The following HMGCLL1 variants were observed in gnomAD, a reference collection of about 807,000 sequenced individuals.
HMGCLL1 encodes the protein 3-hydroxymethyl-3-methylglutaryl-CoA lyase, cytoplasmic.
HMGCLL1 carries 36 observed loss-of-function variants against 39.1 expected under a neutral mutation model. The observed-to-expected ratio is 0.92, with a 90% CI of 0.71 to 1.22. The LOEUF (loss-of-function observed/expected upper bound fraction) is 1.22, where lower values mean the gene tolerates loss of function less well. Among genes scored for constraint, HMGCLL1 ranks in the 50% most tolerant of loss-of-function variants. The pLI is 0.00. For missense variants in HMGCLL1, 451 were observed against 416.5 expected (o/e 1.08, Z -0.72); for synonymous variants, 149 against 144.0 (o/e 1.03, Z -0.25).
At chr6:55,458,312 G>T (rs1019495474) in intron 7 of HMGCLL1, among the ~76,000 whole-genome samples, 1 of 152,092 alleles carries the variant, frequency 6.6e-6, no homozygotes, top group African/African-American at 2.4e-5. Context: ...CTTTCAAGGA[G>T]CCAGTTTTTA....
chr6:55,548,814 TAA>T (rs1353203699), intron 1 of HMGCLL1, among the ~76,000 whole-genome samples: 1 of 149,916 alleles, frequency 6.7e-6, no homozygotes, highest in Non-Finnish European at 1.5e-5. Context: ...TGAAGAATAT[TAA>T]GTTTATAAAA....
chr6:55,672,001 G>C, the HMGCLL1 span, among the ~76,000 whole-genome samples: 1 of 151,712 alleles, frequency 6.6e-6, no homozygotes, highest in Non-Finnish European at 1.5e-5. Flanking sequence ...CTCCTGATTA[G>C]CCCAGAAGGG....
chr6:55,607,471 A>T, the HMGCLL1 span, among the ~76,000 whole-genome samples: 10 of 152,168 alleles, frequency 6.6e-5, no homozygotes, highest in Non-Finnish European at 1.2e-4. Flanking sequence ...GGATGCTGAC[A>T]ACAGAAAGTC....
chr6:55,677,860 T>C, the HMGCLL1 span, among the ~76,000 whole-genome samples: 3 of 152,342 alleles, frequency 2.0e-5, no homozygotes, highest in African/African-American at 7.2e-5. Context: ...ATAAAGTAAC[T>C]ATGGAAGACA....
the HMGCLL1 span, among the ~76,000 whole-genome samples, chr6:55,626,849 T>G: frequency 2.0e-5 from 3 of 151,952 alleles, no homozygotes; most frequent in African/African-American, 7.2e-5. Context: ...GTGATTGACC[T>G]GGACTATCAA....
intron 7 of HMGCLL1, among the ~76,000 whole-genome samples, chr6:55,488,224 T>A (rs1462773658): frequency 6.6e-6 from 1 of 152,088 alleles, no homozygotes; most frequent in Admixed American, 6.6e-5. Flanking sequence ...AGACACAATT[T>A]TTATAAAATA....
At chr6:55,648,754 C>A in the HMGCLL1 span, among the ~76,000 whole-genome samples, 24,241 of 80,370 alleles carry the variant, frequency 0.3, 3,989 homozygotes, top group African/African-American at 0.38. Context: ...AGTCCAGGAC[C>A]AGATGGATTC....
the HMGCLL1 span, among the ~76,000 whole-genome samples, chr6:55,596,431 T>G: frequency 6.6e-6 from 1 of 152,186 alleles, no homozygotes. Flanking sequence ...AAATTGCAAT[T>G]GTAGAAAACA....
chr6:55,609,016 C>T, the HMGCLL1 span, among the ~76,000 whole-genome samples: 5 of 152,220 alleles, frequency 3.3e-5, no homozygotes, highest in Admixed American at 6.5e-5. Context: ...GAGTGGTACC[C>T]AGCCAGGGAA....
intron 1 of HMGCLL1, among the ~76,000 whole-genome samples, chr6:55,568,743 T>C (rs971540922): frequency 6.6e-6 from 1 of 152,066 alleles, no homozygotes; most frequent in African/African-American, 2.4e-5. Flanking sequence ...AGCCTCCAAA[T>C]ACACAATTTT....
At chr6:55,554,384 A>G (rs1008725556) in intron 1 of HMGCLL1, among the ~76,000 whole-genome samples, 1 of 152,064 alleles carries the variant, frequency 6.6e-6, no homozygotes, top group African/African-American at 2.4e-5. Flanking sequence ...CTTGCAGAAT[A>G]TGGAGCTGGC....
chr6:55,438,725 A>G (rs1273709214), intron 8 of HMGCLL1, among the ~76,000 whole-genome samples: 2 of 152,146 alleles, frequency 1.3e-5, no homozygotes, highest in Non-Finnish European at 2.9e-5. Context: ...GGAGCAGCAG[A>G]GAGTAAAAAA....
chr6:55,560,145 A>G (rs1032102259), intron 1 of HMGCLL1, among the ~76,000 whole-genome samples: 5 of 152,144 alleles, frequency 3.3e-5, no homozygotes, highest in African/African-American at 1.2e-4. Context: ...ACTTAAATCA[A>G]CACTGCTGCA....
At chr6:55,605,127 C>A in the HMGCLL1 span, among the ~76,000 whole-genome samples, 1 of 152,144 alleles carries the variant, frequency 6.6e-6, no homozygotes, top group Non-Finnish European at 1.5e-5. Context: ...ACAAGGACTG[C>A]CTCAGTGCAG....
At chr6:55,629,719 C>T in the HMGCLL1 span, among the ~76,000 whole-genome samples, 1 of 152,078 alleles carries the variant, frequency 6.6e-6, no homozygotes, top group Admixed American at 6.6e-5. Flanking sequence ...GCCCTGCATC[C>T]CAGCCACTCT....
At chr6:55,467,191 A>T (rs1421287601) in intron 7 of HMGCLL1, among the ~76,000 whole-genome samples, 2 of 152,104 alleles carry the variant, frequency 1.3e-5, no homozygotes, top group Non-Finnish European at 2.9e-5. Context: ...AAGTGAAATT[A>T]TGGCATCAAC....
the HMGCLL1 span, among the ~76,000 whole-genome samples, chr6:55,650,076 TACAC>T: frequency 1.4e-4 from 14 of 97,056 alleles, no homozygotes; most frequent in Non-Finnish European, 2.3e-4. Flanking sequence ...TATATATATA[TACAC>T]ACACATATAC....
At chr6:55,546,951 T>C (rs991100050) in intron 1 of HMGCLL1, among the ~76,000 whole-genome samples, 1 of 152,050 alleles carries the variant, frequency 6.6e-6, no homozygotes, top group East Asian at 1.9e-4. Flanking sequence ...AATGGTTCAC[T>C]TTCATAGAGT....
chr6:55,566,552 T>G, intron 1 of HMGCLL1: 1 of 454,398 alleles, frequency 2.2e-6, no homozygotes, highest in South Asian at 1.6e-5. Flanking sequence ...CCGGAGACCA[T>G]AGCTTAGACA....
Sources: gnomAD v4.1 joint callset for allele counts (sites outside exome capture counted in the v4.1 genomes callset) on GRCh38, gnomAD v4.1.1 for gene constraint, MANE v1.5 for transcripts, NCBI Gene and HGNC (gene_info 2026-07-23, HGNC 2026-07-21) for gene names.